Variants in GAB2 observed in about 807,000 individuals in gnomAD.
GAB2 encodes the protein GRB2 associated binding protein 2.
Under a neutral mutation model 65.5 loss-of-function variants are expected in GAB2, and 26 were observed. That is an observed-to-expected ratio of 0.40 (90% CI 0.29 to 0.55). GAB2 has a LOEUF of 0.55. Ranked by LOEUF, GAB2 falls within the 20% of genes least tolerant of loss-of-function variation. The pLI is 0.53. For synonymous variants in GAB2, 321 were observed against 329.6 expected (o/e 0.97, Z 0.28); for missense variants, 884 against 875.8 (o/e 1.01, Z -0.12).
At chr11:78,273,959 T>C (rs1248170766) in intron 2 of GAB2, among the ~76,000 whole-genome samples, 2 of 152,328 alleles carry the variant, frequency 1.3e-5, no homozygotes, top group African/African-American at 2.4e-5. Context: ...GCCATGATTA[T>C]GAGGCCTCCT....
chr11:78,341,496 C>A (rs1314188750), intron 1 of GAB2, among the ~76,000 whole-genome samples: 1 of 152,102 alleles, frequency 6.6e-6, no homozygotes, highest in Non-Finnish European at 1.5e-5. Flanking sequence ...AAGTTCAATT[C>A]AAATATGTCA....
At chr11:78,330,003 G>A (rs776116646) in intron 1 of GAB2, among the ~76,000 whole-genome samples, 9 of 152,142 alleles carry the variant, frequency 5.9e-5, no homozygotes, top group East Asian at 1.9e-4. Flanking sequence ...GCTATTTCTC[G>A]TTTCTACTGG....
chr11:78,344,891 A>G (rs1383329057), intron 1 of GAB2, among the ~76,000 whole-genome samples: 1 of 152,198 alleles, frequency 6.6e-6, no homozygotes, highest in Non-Finnish European at 1.5e-5. Context: ...TGGTGGCACA[A>G]AAGTGGTTTA....
intron 2 of GAB2, among the ~76,000 whole-genome samples, chr11:78,262,136 A>G (rs1893447): frequency 0.26 from 39,074 of 152,030 alleles, 5,867 homozygotes; most frequent in African/African-American, 0.4. Flanking sequence ...TGGCTAGGCT[A>G]GGATTCAAAG....
At chr11:78,332,460 A>T (rs140028197) in intron 1 of GAB2, among the ~76,000 whole-genome samples, 82 of 152,300 alleles carry the variant, frequency 5.4e-4, no homozygotes, top group Middle Eastern at 3.4e-3. Flanking sequence ...TGAGCTTTCT[A>T]TTCATATAAG....
intron 1 of GAB2, among the ~76,000 whole-genome samples, chr11:78,281,484 A>G (rs1239082614): frequency 6.6e-6 from 1 of 152,104 alleles, no homozygotes; most frequent in Non-Finnish European, 1.5e-5. Context: ...ACCTCAGGTG[A>G]TCCACCTGCC....
rs1864264756 is a variant in GAB2 at position 78,218,631 on chromosome 11, T to G, written c.*641A>C. 1 of 153,190 alleles carries G rather than the reference T, an allele frequency of 6.5e-6. No individual in the cohort carries two copies. The highest frequency in any genetic ancestry group is 1.5e-5 in the Non-Finnish European group (1 of 68,452). 9.5% of individuals were successfully genotyped at this position (153,190 alleles called of 1,614,324 possible). On this transcript the variant is annotated 3_prime_UTR_variant, in exon 10 of 10. Coordinates refer to ENST00000361507, the MANE Select transcript of GAB2 (RefSeq NM_080491.3). ...CAGCTGTCCTGCCATGGCCTCAGCCTCAAAGTGGGTTCCCTGCAGATGTCA... is the reference window on the plus strand; with the variant it reads ...CAGCTGTCCTGCCATGGCCTCAGCCGCAAAGTGGGTTCCCTGCAGATGTCA...
rs146764755 is a variant in GAB2, at chr11:78,409,383, G to A, written c.75+8263C>T. Among the ~76,000 whole-genome samples, 435 of 152,270 alleles carry A rather than the reference G, an allele frequency of 2.9e-3. 3 individuals are homozygous for A. Among genetic ancestry groups the A allele is most frequent in the Admixed American group, 4.1e-3 (63 of 15,290 alleles). On this transcript the variant is annotated intron_variant, in intron 1 of 9. Transcript: ENST00000361507. ...GCGGATGACCTGAGGTCAGGAGTTCGAGACCAGTCTGGCCAACATGGAGAA... is the reference window on the plus strand; with the variant it reads ...GCGGATGACCTGAGGTCAGGAGTTCAAGACCAGTCTGGCCAACATGGAGAA...
chr11:78,254,540 T>C (rs1590969936), intron 2 of GAB2, among the ~76,000 whole-genome samples: 1 of 152,140 alleles, frequency 6.6e-6, no homozygotes, highest in African/African-American at 2.4e-5. Flanking sequence ...TAGCTCATGC[T>C]TGTAATCCCA....
At chr11:78,302,684 C>T (rs1867062070) in intron 1 of GAB2, among the ~76,000 whole-genome samples, 1 of 152,160 alleles carries the variant, frequency 6.6e-6, no homozygotes, top group Admixed American at 6.5e-5. Context: ...TGGGTATCTA[C>T]CCAAAGGAAA....
chr11:78,373,048 A>T (rs1483129969), intron 1 of GAB2, among the ~76,000 whole-genome samples: 2 of 152,158 alleles, frequency 1.3e-5, no homozygotes, highest in Non-Finnish European at 2.9e-5. Flanking sequence ...AGGGACAGAT[A>T]TTACCAAGGG....
At chr11:78,349,642 G>C (rs1856244550) in intron 1 of GAB2, among the ~76,000 whole-genome samples, 1 of 152,182 alleles carries the variant, frequency 6.6e-6, no homozygotes, top group Non-Finnish European at 1.5e-5. Context: ...TCCTTCATCA[G>C]GACTGAGAAA....
intron 1 of GAB2, among the ~76,000 whole-genome samples, chr11:78,411,753 C>T (rs1857131828): frequency 6.6e-6 from 1 of 151,920 alleles, no homozygotes; most frequent in South Asian, 2.1e-4. Context: ...ACCAGGAAAG[C>T]CGGCGCAGTG....
At position 78,251,862 on chromosome 11, in the gene GAB2, T is replaced by C. The variant is rs550681143; in HGVS notation, c.377-1462A>G. On this transcript the variant is annotated intron_variant, in intron 2 of 9. Transcript: ENST00000361507. Reference sequence around the variant, plus strand: ...AGTGACTGTGATGTTGTTACCATTATAGGCCCAGCATTTACCTAATAAAGG... The same window carrying C: ...AGTGACTGTGATGTTGTTACCATTACAGGCCCAGCATTTACCTAATAAAGG... Among the ~76,000 whole-genome samples, 6 of 152,370 alleles carry C rather than the reference T, an allele frequency of 3.9e-5. No homozygotes were observed. The South Asian group carries it at 1.2e-3, about 32-fold the overall frequency.
At chr11:78,257,020 T>C (rs771041766) in intron 2 of GAB2, among the ~76,000 whole-genome samples, 3 of 150,872 alleles carry the variant, frequency 2.0e-5, no homozygotes, top group East Asian at 2.0e-4. Flanking sequence ...TTTTTTTTTT[T>C]CTTCTTCCTG....
At chr11:78,237,786 A>C (rs113958695) in intron 3 of GAB2, among the ~76,000 whole-genome samples, 149 of 152,382 alleles carry the variant, frequency 9.8e-4, no homozygotes, top group African/African-American at 3.0e-3. Context: ...AGGAATGCCC[A>C]TCAGTGATAG....
chr11:78,362,718 T>C (rs372291636), intron 1 of GAB2, among the ~76,000 whole-genome samples: 2 of 151,112 alleles, frequency 1.3e-5, no homozygotes, highest in African/African-American at 4.9e-5. Context: ...CTACATACTG[T>C]TTTTTAAAGA....
intron 1 of GAB2, among the ~76,000 whole-genome samples, chr11:78,398,563 C>T (rs1250388841): frequency 6.6e-6 from 1 of 152,054 alleles, no homozygotes; most frequent in Non-Finnish European, 1.5e-5. Flanking sequence ...TTGTGTATGA[C>T]TGAAATTTTT....
At chr11:78,409,060 G>A (rs1446462176) in intron 1 of GAB2, among the ~76,000 whole-genome samples, 1 of 152,174 alleles carries the variant, frequency 6.6e-6, no homozygotes, top group East Asian at 1.9e-4. Flanking sequence ...TAGGTTGAAA[G>A]TAAATTGATG....
Sources: gnomAD v4.1 joint callset for allele counts (sites outside exome capture counted in the v4.1 genomes callset) on GRCh38, gnomAD v4.1.1 for gene constraint, MANE v1.5 for transcripts, NCBI Gene and HGNC (gene_info 2026-07-23, HGNC 2026-07-21) for gene names.